Variants in GPATCH8 observed in about 807,000 individuals in gnomAD.
GPATCH8 encodes the protein G-patch domain containing 8.
Under a neutral mutation model 118.3 loss-of-function variants are expected in GPATCH8, and 18 were observed. The ratio of observed to expected loss-of-function variants is 0.15; its 90% CI spans 0.11 to 0.23. GPATCH8 has a LOEUF of 0.23. Among genes scored for constraint, GPATCH8 ranks in the 10% least tolerant of loss-of-function variants. GPATCH8 has a pLI of 1.00. For synonymous variants in GPATCH8, 659 were observed against 684.7 expected (o/e 0.96, Z 0.59); for missense variants, 1,631 against 1,873.8 (o/e 0.87, Z 2.39).
Position 44,400,599 on chromosome 17 carries a change from T to G in GPATCH8, c.1478A>C (p.Gln493Pro). 6.2e-7 allele frequency: 1 copy of G among 1,614,198 alleles called. No individual in the cohort carries two copies. The highest frequency in any genetic ancestry group is 1.1e-5 in the South Asian group (1 of 91,084). Residue 493 changes from glutamine to proline, a missense_variant, in exon 8 of 8, where the codon CAG becomes CCG. Coordinates refer to ENST00000591680, the MANE Select transcript of GPATCH8 (RefSeq NM_001002909.4). ...KKALGGDVSD[Q>P]SLESHSQKVS... ...CTTCTGACTATGACTTTCTAAACTC[T>G]GATCACTTACATCCCCTCCTAAGGC... is the stretch of plus-strand genomic sequence containing the variant.
chr17:44,500,498 A>G (rs141565086), intron 1 of GPATCH8, among the ~76,000 whole-genome samples: 73 of 152,354 alleles, frequency 4.8e-4, no homozygotes, highest in African/African-American at 1.7e-3. Context: ...ACTTTTCACT[A>G]TATATACAAA....
rs1567911980 is a variant in GPATCH8, at chr17:44,395,391, GTTTATT to G, written c.*2171_*2176del. 3 of 453,130 alleles carry G rather than the reference GTTTATT, an allele frequency of 6.6e-6. No individual in the cohort carries two copies. The highest frequency in any genetic ancestry group is 2.4e-5 in the Admixed American group (1 of 42,294). The allele number at this position is 453,130 out of a possible 1,614,324, so 28.1% of individuals were successfully genotyped here. On this transcript the variant is annotated 3_prime_UTR_variant, in exon 8 of 8. Transcript: ENST00000591680. ...ACAATCTGTTATGCTTGTAAGTAAGGTTTATTTTTATTTTTACTTTTAAAATCACTA... is the reference window on the plus strand; with the variant it reads ...ACAATCTGTTATGCTTGTAAGTAAGGTTTATTTTTACTTTTAAAATCACTA...
At chr17:44,409,432 C>A (rs1437852055) in intron 6 of GPATCH8, 1 of 152,228 alleles carries the variant, frequency 6.6e-6, no homozygotes, top group African/African-American at 2.4e-5. Context: ...CTCCTGCCTA[C>A]TCAAGGTCAG....
chr17:44,451,611 T>C (rs555833229), intron 3 of GPATCH8, among the ~76,000 whole-genome samples: 170 of 152,312 alleles, frequency 1.1e-3, no homozygotes, highest in Middle Eastern at 3.4e-3. Flanking sequence ...GAGGAAATTA[T>C]AGTATGAGAC....
intron 1 of GPATCH8, among the ~76,000 whole-genome samples, chr17:44,491,854 T>C (rs143274800): frequency 1.2e-4 from 19 of 152,188 alleles, no homozygotes; most frequent in Non-Finnish European, 2.4e-4. Context: ...TGTTTGGAAG[T>C]ACAATGAAAT....
At chr17:44,437,487 C>G (rs183864577) in intron 3 of GPATCH8, among the ~76,000 whole-genome samples, 5 of 152,176 alleles carry the variant, frequency 3.3e-5, no homozygotes, top group Admixed American at 2.6e-4. Flanking sequence ...TGAAAAAACA[C>G]AATGTTTACT....
intron 1 of GPATCH8, among the ~76,000 whole-genome samples, chr17:44,490,552 T>G (rs1404138967): frequency 1.3e-5 from 2 of 152,148 alleles, no homozygotes; most frequent in African/African-American, 2.4e-5. Flanking sequence ...AACACTTCCT[T>G]TCTGAATACT....
chr17:44,448,207 T>C (rs912873455), intron 3 of GPATCH8, among the ~76,000 whole-genome samples: 3 of 152,190 alleles, frequency 2.0e-5, no homozygotes, highest in Non-Finnish European at 4.4e-5. Flanking sequence ...TACAATTTGA[T>C]GGTAATGAAA....
chr17:44,397,510 C>G lies in GPATCH8; in HGVS notation c.*58G>C, dbSNP rs530207828. On this transcript the variant is annotated 3_prime_UTR_variant, in exon 8 of 8. Transcript: ENST00000591680. Reference sequence around the variant, plus strand: ...TGCTGGTATTAATGGCTCAACACCCCCAAGGGAACATTTATGGGTCTCCTC... The same window carrying G: ...TGCTGGTATTAATGGCTCAACACCCGCAAGGGAACATTTATGGGTCTCCTC... 5.8e-6 allele frequency: 7 copies of G among 1,197,996 alleles called. No individual in the cohort carries two copies. Among genetic ancestry groups the G allele is most frequent in the Admixed American group, 3.4e-5 (2 of 59,136 alleles). 74.2% of individuals were successfully genotyped at this position (1,197,996 alleles called of 1,614,324 possible).
intron 2 of GPATCH8, among the ~76,000 whole-genome samples, chr17:44,468,125 A>C (rs1966949683): frequency 6.6e-6 from 1 of 151,178 alleles, no homozygotes. Flanking sequence ...GCACCACCAC[A>C]TCCAGCCAAT....
At position 44,399,636 on chromosome 17, in the gene GPATCH8, C is replaced by G. The variant is rs2048931661; in HGVS notation, c.2441G>C (p.Ser814Thr). 1.9e-6 allele frequency: 3 copies of G among 1,614,122 alleles called. No individual in the cohort carries two copies. The highest frequency in any genetic ancestry group is 2.5e-6 in the Non-Finnish European group (3 of 1,180,046). ...ATCATCACTATCCTCATCTCCACTA[C>G]TGGGTTGGCTCCGATGGCTAGACCG... is the stretch of plus-strand genomic sequence containing the variant. ...SSRSSHRSQP[S>T]SGDEDSDDAS... Residue 814 changes from serine to threonine, a missense_variant, in exon 8 of 8, where the codon AGT (serine) becomes ACT (threonine). Ser to Thr is a moderately conservative substitution (Grantham distance 58). Transcript: ENST00000591680.
chr17:44,463,459 T>A (rs972659823), intron 3 of GPATCH8, among the ~76,000 whole-genome samples: 10 of 152,340 alleles, frequency 6.6e-5, no homozygotes, highest in African/African-American at 2.4e-4. Flanking sequence ...CGATCTTGGC[T>A]CACTGCAACC....
chr17:44,412,817 T>G (rs1184422939), intron 6 of GPATCH8, among the ~76,000 whole-genome samples: 1 of 152,218 alleles, frequency 6.6e-6, no homozygotes, highest in Admixed American at 6.5e-5. Context: ...CATACCAAAA[T>G]CACAGCCTCT....
intron 6 of GPATCH8, among the ~76,000 whole-genome samples, chr17:44,414,133 A>ATATATATATGTG (rs2049580039): frequency 6.6e-5 from 2 of 30,442 alleles, no homozygotes; most frequent in Middle Eastern, 0.031. Flanking sequence ...ATATGTGTAT[A>ATATATATATGTG]TATATATATG....
intron 2 of GPATCH8, chr17:44,465,376 G>C (rs1183334157): frequency 6.6e-6 from 1 of 151,954 alleles, no homozygotes; most frequent in Non-Finnish European, 1.5e-5. Context: ...ATTCGAAAAG[G>C]TATTTCAATG....
chr17:44,473,135 A>ATT (rs557044683), intron 2 of GPATCH8, among the ~76,000 whole-genome samples: 7 of 134,792 alleles, frequency 5.2e-5, no homozygotes, highest in East Asian at 2.2e-4. Flanking sequence ...CAAACCAGTG[A>ATT]TTTTTTTTTT....
Position 44,401,452 on chromosome 17 carries a change from C to T in GPATCH8, c.625G>A (p.Ala209Thr), listed in dbSNP as rs376143870. 7 of 1,589,432 alleles carry T rather than the reference C, an allele frequency of 4.4e-6. No homozygotes were observed. The highest frequency in any genetic ancestry group is 5.2e-6 in the Non-Finnish European group (6 of 1,157,512). Residue 209 changes from alanine (A) to threonine (T), a missense_variant and splice_region_variant, in exon 8 of 8, where the codon GCA (alanine) becomes ACA (threonine). By Grantham distance (58) the Ala-to-Thr change is moderately conservative. This residue lies in a region of GPATCH8 where 405 missense variants were observed against 462.7 expected (regional missense o/e 0.88). Transcript: ENST00000591680. ...LAEQRKQAEC[A>T]PGSGPMFKPT... ...TTGAACATGGGACCACTTCCAGGTG[C>T]ACTACATGATGATTTAGAAAAATAA...
intron 7 of GPATCH8, among the ~76,000 whole-genome samples, chr17:44,403,491 T>G (rs1222406990): frequency 6.6e-6 from 1 of 152,176 alleles, no homozygotes; most frequent in African/African-American, 2.4e-5. Flanking sequence ...AGTGCTGGGA[T>G]TACAGATGTG....
chr17:44,426,557 T>C (rs1248685909), intron 5 of GPATCH8, among the ~76,000 whole-genome samples: 3 of 148,376 alleles, frequency 2.0e-5, no homozygotes, highest in Non-Finnish European at 3.0e-5. Flanking sequence ...TAAGCCAAGA[T>C]TGCGCCACTG....
Sources: gnomAD v4.1 joint callset for allele counts (sites outside exome capture counted in the v4.1 genomes callset) on GRCh38, gnomAD v4.1.1 for gene constraint, gnomAD v4.1.1 regional missense constraint, MANE v1.5 for transcripts, NCBI Gene and HGNC (gene_info 2026-07-23, HGNC 2026-07-21) for gene names.